The following CYP39A1 variants were observed in gnomAD, a reference collection of about 807,000 sequenced individuals.
The protein encoded by CYP39A1 is 24-hydroxycholesterol 7-alpha-hydroxylase.
CYP39A1 carries 49 observed loss-of-function variants against 58.1 expected under a neutral mutation model. The observed-to-expected ratio is 0.84, with a 90% CI of 0.67 to 1.07. The LOEUF is 1.07. Ranked by LOEUF, CYP39A1 falls within the 50% of genes least tolerant of loss-of-function variation. CYP39A1 has a pLI of 0.00. For missense variants in CYP39A1, 531 were observed against 539.4 expected, an observed-to-expected ratio of 0.98 and a Z score of 0.16; for synonymous variants, 209 against 187.6, an observed-to-expected ratio of 1.11 and a Z score of -0.93.
At chr6:46,608,529 AT>A (rs1773985035) in intron 7 of CYP39A1, among the ~76,000 whole-genome samples, 2 of 152,064 alleles carry the variant, frequency 1.3e-5, no homozygotes, top group South Asian at 4.1e-4. Context: ...TTATATATCT[AT>A]TTTTTAATAA....
At chr6:46,625,727 C>G (rs895281594) in intron 6 of CYP39A1, among the ~76,000 whole-genome samples, 6 of 151,764 alleles carry the variant, frequency 4.0e-5, no homozygotes, top group African/African-American at 1.2e-4. Flanking sequence ...TATTTTGTCA[C>G]TATAATTTAA....
At chr6:46,586,644 C>CA (rs1006961035) in intron 10 of CYP39A1, among the ~76,000 whole-genome samples, 1 of 152,054 alleles carries the variant, frequency 6.6e-6, no homozygotes, top group Non-Finnish European at 1.5e-5. Context: ...AAACTAACAC[C>CA]ATAGACAAAA....
At chr6:46,595,491 C>A (rs528044604) in intron 8 of CYP39A1, among the ~76,000 whole-genome samples, 1 of 151,844 alleles carries the variant, frequency 6.6e-6, no homozygotes, top group African/African-American at 2.4e-5. Flanking sequence ...GGAAGAATGA[C>A]AAACCACATA....
chr6:46,579,921 T>A (rs1477923557), intron 10 of CYP39A1, among the ~76,000 whole-genome samples: 1 of 152,066 alleles, frequency 6.6e-6, no homozygotes, highest in Non-Finnish European at 1.5e-5. Context: ...GTTAAAACGG[T>A]CATACTGCAC....
intron 10 of CYP39A1, among the ~76,000 whole-genome samples, chr6:46,558,386 G>A (rs1362886188): frequency 2.0e-5 from 3 of 152,234 alleles, no homozygotes; most frequent in South Asian, 2.1e-4. Context: ...CATGGTGGCC[G>A]GAGAGAGAAA....
At chr6:46,652,335 A>T in intron 1 of CYP39A1, 71 bp downstream of exon 1, 17 of 1,438,252 alleles carry the variant, frequency 1.2e-5, no homozygotes, top group Middle Eastern at 2.2e-4. Context: ...TGCACTTAAG[A>T]GTCAATGAAA....
intron 8 of CYP39A1, among the ~76,000 whole-genome samples, chr6:46,590,877 A>G (rs1299694552): frequency 2.0e-5 from 3 of 152,138 alleles, no homozygotes; most frequent in Non-Finnish European, 4.4e-5. Context: ...TCTTCCTCCA[A>G]TGACTGTTTA....
chr6:46,638,657 A>G (rs1015898598), intron 3 of CYP39A1, among the ~76,000 whole-genome samples: 1 of 152,108 alleles, frequency 6.6e-6, no homozygotes, highest in Non-Finnish European at 1.5e-5. Context: ...TCATTTTGTT[A>G]TAGATATTGG....
intron 10 of CYP39A1, among the ~76,000 whole-genome samples, chr6:46,569,077 C>T (rs1181178888): frequency 6.6e-6 from 1 of 152,008 alleles, no homozygotes; most frequent in African/African-American, 2.4e-5. Context: ...TTATAGTTTT[C>T]AGTGTATAAC....
intron 10 of CYP39A1, among the ~76,000 whole-genome samples, chr6:46,578,550 A>G (rs1408503991): frequency 6.6e-6 from 1 of 152,046 alleles, no homozygotes; most frequent in Non-Finnish European, 1.5e-5. Context: ...ATAGATTAAT[A>G]AAGAAAAAAA....
chr6:46,610,376 T>C (rs1204877612), intron 7 of CYP39A1, among the ~76,000 whole-genome samples: 2 of 152,142 alleles, frequency 1.3e-5, no homozygotes, highest in Non-Finnish European at 2.9e-5. Flanking sequence ...GGGTCTCACT[T>C]TGTTGCCCAG....
intron 11 of CYP39A1, among the ~76,000 whole-genome samples, 166 bp from the exon 12 acceptor site, chr6:46,550,603 A>G (rs755626293): frequency 6.6e-6 from 1 of 152,216 alleles, no homozygotes; most frequent in Non-Finnish European, 1.5e-5. Context: ...CATCAACTTT[A>G]GCCTTCCATT....
chr6:46,595,677 G>T (rs1174269231), intron 8 of CYP39A1, among the ~76,000 whole-genome samples: 1 of 151,948 alleles, frequency 6.6e-6, no homozygotes, highest in East Asian at 1.9e-4. Flanking sequence ...GAGGTCTATT[G>T]TATAACATGG....
chr6:46,612,284 C>T (rs1774262485), intron 7 of CYP39A1, among the ~76,000 whole-genome samples: 1 of 152,080 alleles, frequency 6.6e-6, no homozygotes, highest in African/African-American at 2.4e-5. Flanking sequence ...TCTCCTGGGC[C>T]AGGTATTAGA....
intron 10 of CYP39A1, among the ~76,000 whole-genome samples, chr6:46,565,784 T>C (rs1490083933): frequency 6.6e-6 from 1 of 152,114 alleles, no homozygotes; most frequent in Non-Finnish European, 1.5e-5. Context: ...CATGGCAGGA[T>C]CCAGTCAGAT....
chr6:46,610,410 T>C lies in CYP39A1; in HGVS notation c.932-14290A>G, dbSNP rs73469142. Among the ~76,000 whole-genome samples, 730 of 152,228 alleles carry C rather than the reference T, an allele frequency of 4.8e-3. 6 individuals are homozygous for C. The highest frequency in any genetic ancestry group is 0.017 in the African/African-American group (691 of 41,544). On this transcript the variant is annotated intron_variant, in intron 7 of 11. Transcript: ENST00000275016. ...AGGCTGGAGTGCAGTGGCACTATCA[T>C]AAATCACTGCAGCCTCGAACTCTTG...
At chr6:46,576,630 C>A (rs1176187926) in intron 10 of CYP39A1, among the ~76,000 whole-genome samples, 1 of 152,098 alleles carries the variant, frequency 6.6e-6, no homozygotes, top group Non-Finnish European at 1.5e-5. Flanking sequence ...GATGTGATAG[C>A]CATTTTAACA....
chr6:46,648,550 A>G lies in CYP39A1; in HGVS notation c.177+3856T>C, dbSNP rs563374123. On this transcript the variant is annotated intron_variant, in intron 1 of 11. Transcript: ENST00000275016. ...GGGGGGAGGGGGGAGGGATAGCATT[A>G]GGAGATATACCTAATATAAATGATG... Among the ~76,000 whole-genome samples the G allele has an allele frequency of 3.3e-5, 5 of 150,702 alleles. No individual in the cohort carries two copies. The South Asian group carries it at 6.4e-4, about 19-fold the overall frequency.
At chr6:46,572,217 G>T (rs1771624740) in intron 10 of CYP39A1, among the ~76,000 whole-genome samples, 1 of 151,832 alleles carries the variant, frequency 6.6e-6, no homozygotes, top group Non-Finnish European at 1.5e-5. Flanking sequence ...ACCATTATTG[G>T]ATTATAATAT....
Sources: gnomAD v4.1 joint callset for allele counts (sites outside exome capture counted in the v4.1 genomes callset) on GRCh38, gnomAD v4.1.1 for gene constraint, MANE v1.5 for transcripts, NCBI Gene and HGNC (gene_info 2026-07-23, HGNC 2026-07-21) for gene names.